KCNIP4: variants seen among roughly 807,000 people sequenced by gnomAD.
The protein encoded by KCNIP4 is Kv channel-interacting protein 4.
KCNIP4 carries 12 observed loss-of-function variants against 34.0 expected under a neutral mutation model. The observed-to-expected ratio is 0.35, with a 90% CI of 0.23 to 0.57. The LOEUF (loss-of-function observed/expected upper bound fraction) is 0.57. Among genes scored for constraint, KCNIP4 ranks in the 20% least tolerant of loss-of-function variants. KCNIP4 has a pLI of 0.83. For missense variants in KCNIP4, 238 were observed against 311.7 expected, an observed-to-expected ratio of 0.76 and a Z score of 1.78; for synonymous variants, 124 against 102.2, an observed-to-expected ratio of 1.21 and a Z score of -1.29.
At chr4:21,483,838 G>A (rs1014088829) in intron 1 of KCNIP4, among the ~76,000 whole-genome samples, 2 of 151,428 alleles carry the variant, frequency 1.3e-5, no homozygotes, top group Non-Finnish European at 2.9e-5. Flanking sequence ...AAATGTGTGT[G>A]GTACCTCCCC....
intron 1 of KCNIP4, among the ~76,000 whole-genome samples, chr4:21,169,541 T>C (rs1753858678): frequency 6.6e-6 from 1 of 152,126 alleles, no homozygotes; most frequent in African/African-American, 2.4e-5. Flanking sequence ...AAAATAGATA[T>C]TAGAAATAAG....
At chr4:21,267,093 G>T (rs568782279) in intron 1 of KCNIP4, among the ~76,000 whole-genome samples, 4 of 152,124 alleles carry the variant, frequency 2.6e-5, no homozygotes, top group Non-Finnish European at 5.9e-5. Context: ...TAAATAGAAC[G>T]ATGTGATGCT....
intron 1 of KCNIP4, among the ~76,000 whole-genome samples, chr4:21,223,363 G>C (rs942521063): frequency 2.0e-5 from 3 of 152,320 alleles, no homozygotes; most frequent in Non-Finnish European, 4.4e-5. Flanking sequence ...AACCAGCCCT[G>C]CTAGCTTATT....
chr4:21,602,333 T>C (rs572534575), intron 1 of KCNIP4, among the ~76,000 whole-genome samples: 1 of 152,280 alleles, frequency 6.6e-6, no homozygotes, highest in South Asian at 2.1e-4. Flanking sequence ...AAAGGATGAA[T>C]CTTATTCATC....
At position 21,710,884 on chromosome 4, in the gene KCNIP4, T is replaced by C. The variant is rs141384013; in HGVS notation, c.61+237687A>G. Among the ~76,000 whole-genome samples, 565 of 152,336 alleles carry C rather than the reference T, an allele frequency of 3.7e-3. 1 individual carries two copies. The highest frequency in any genetic ancestry group is 0.013 in the African/African-American group (533 of 41,572). Reference sequence around the variant, plus strand: ...TTTGATTTATTCACCCTTACCCCTATTGATAAACTTTCAGGATGTTTTCAG... The same window carrying C: ...TTTGATTTATTCACCCTTACCCCTACTGATAAACTTTCAGGATGTTTTCAG... On this transcript the variant is annotated intron_variant, in intron 1 of 8. Coordinates refer to ENST00000382152, the MANE Select transcript of KCNIP4 (RefSeq NM_025221.6).
intron 1 of KCNIP4, among the ~76,000 whole-genome samples, chr4:21,761,151 G>C (rs1317396220): frequency 2.0e-5 from 3 of 152,082 alleles, no homozygotes; most frequent in African/African-American, 7.2e-5. Context: ...GCCCAGGCTG[G>C]AGTGCTGTAG....
chr4:21,452,869 G>GAGAA (rs5856636), intron 1 of KCNIP4, among the ~76,000 whole-genome samples: 109,894 of 151,282 alleles, frequency 0.73, 40,515 homozygotes, highest in African/African-American at 0.84. Context: ...TCAGGGTAAA[G>GAGAA]GCTGTATGCC....
chr4:20,887,098 TAAAAA>T (rs1024289471), intron 1 of KCNIP4, among the ~76,000 whole-genome samples: 1 of 151,638 alleles, frequency 6.6e-6, no homozygotes, highest in African/African-American at 2.4e-5. Flanking sequence ...ATTCTAGAAA[TAAAAA>T]GAAAATTCTA....
intron 1 of KCNIP4, among the ~76,000 whole-genome samples, chr4:21,288,886 T>C (rs893558085): frequency 1.3e-5 from 2 of 152,218 alleles, no homozygotes; most frequent in Admixed American, 1.3e-4. Context: ...TCCATCCATA[T>C]TGCTCCAAAG....
chr4:20,994,209 T>C (rs1737335561), intron 1 of KCNIP4, among the ~76,000 whole-genome samples: 1 of 152,158 alleles, frequency 6.6e-6, no homozygotes, highest in Non-Finnish European at 1.5e-5. Flanking sequence ...TATGGCCATC[T>C]TTGGGGTTTT....
intron 1 of KCNIP4, among the ~76,000 whole-genome samples, chr4:21,366,597 T>C (rs1313878264): frequency 6.6e-6 from 1 of 152,140 alleles, no homozygotes; most frequent in Non-Finnish European, 1.5e-5. Flanking sequence ...AGGTTACACA[T>C]GCTAGCCCTT....
At chr4:21,492,752 A>C (rs1212824523) in intron 1 of KCNIP4, among the ~76,000 whole-genome samples, 1 of 152,194 alleles carries the variant, frequency 6.6e-6, no homozygotes, top group African/African-American at 2.4e-5. Context: ...CTATAAAGCC[A>C]ATTATATTTT....
At chr4:21,516,766 G>A (rs1734802256) in intron 1 of KCNIP4, among the ~76,000 whole-genome samples, 1 of 152,134 alleles carries the variant, frequency 6.6e-6, no homozygotes, top group South Asian at 2.1e-4. Flanking sequence ...AACACATGAA[G>A]TTTAGGAACA....
intron 1 of KCNIP4, among the ~76,000 whole-genome samples, chr4:21,252,129 GT>G (rs61183224): frequency 0.23 from 25,772 of 112,422 alleles, 3,807 homozygotes; most frequent in African/African-American, 0.56. Context: ...ATGAGGTTTT[GT>G]TTTTTTTTTT....
At chr4:21,254,950 C>T (rs925715489) in intron 1 of KCNIP4, among the ~76,000 whole-genome samples, 1 of 152,178 alleles carries the variant, frequency 6.6e-6, no homozygotes, top group African/African-American at 2.4e-5. Context: ...CCACCCGTCC[C>T]CAGACTCATC....
intron 1 of KCNIP4, among the ~76,000 whole-genome samples, chr4:21,564,701 G>A (rs1033579143): frequency 2.6e-5 from 4 of 152,070 alleles, no homozygotes; most frequent in Non-Finnish European, 4.4e-5. Flanking sequence ...CCCTCCCACA[G>A]GCTGTAAAAG....
intron 1 of KCNIP4, among the ~76,000 whole-genome samples, chr4:21,762,561 G>T (rs1334924528): frequency 6.6e-6 from 1 of 152,066 alleles, no homozygotes; most frequent in Non-Finnish European, 1.5e-5. Flanking sequence ...GAGCAGAACT[G>T]GTTGCTGTTA....
At chr4:21,944,185 GATA>G (rs1431551136) in intron 1 of KCNIP4, among the ~76,000 whole-genome samples, 1 of 151,958 alleles carries the variant, frequency 6.6e-6, no homozygotes, top group Non-Finnish European at 1.5e-5. Context: ...AGAGGGAGAA[GATA>G]ATTAAAAGAC....
At chr4:21,340,435 AC>A (rs1450618909) in intron 1 of KCNIP4, among the ~76,000 whole-genome samples, 1 of 152,156 alleles carries the variant, frequency 6.6e-6, no homozygotes, top group Admixed American at 6.5e-5. Context: ...AGTTTATTGC[AC>A]GTAAAAGAAC....
Sources: allele counts gnomAD v4.1 joint callset (sites outside exome capture counted in the v4.1 genomes callset), GRCh38; gene constraint gnomAD v4.1.1; transcripts MANE v1.5; gene names NCBI Gene and HGNC (gene_info 2026-07-23, HGNC 2026-07-21).